The following LRRC9 variants were observed in gnomAD, a reference collection of about 807,000 sequenced individuals.
LRRC9 encodes the protein leucine rich repeat containing 9, also known as leucine-rich repeat-containing protein 9.
A neutral mutation model predicts 63.2 loss-of-function variants in LRRC9; 122 were observed. The observed-to-expected ratio is 1.93, with a 90% CI of 1.67 to 2.24. The LOEUF is 2.24. LRRC9 is among the 30% of genes most tolerant of loss of function. LRRC9 has a pLI of 0.00. For missense variants in LRRC9, 1,071 were observed against 627.7 expected (o/e 1.71, Z -7.55); for synonymous variants, 366 against 213.1 (o/e 1.72, Z -6.25).
chr14:59,947,966 G>A (rs1423044449), intron 8 of LRRC9, among the ~76,000 whole-genome samples: 2 of 151,888 alleles, frequency 1.3e-5, no homozygotes, highest in Admixed American at 6.6e-5. Flanking sequence ...TGTTCTTTTG[G>A]CTTCAGATTG....
chr14:59,977,778 A>T (rs913847500), intron 14 of LRRC9, among the ~76,000 whole-genome samples: 2 of 152,132 alleles, frequency 1.3e-5, no homozygotes, highest in Admixed American at 6.5e-5. Context: ...TTATATAATT[A>T]AAAAGTATTT....
intron 29 of LRRC9, among the ~76,000 whole-genome samples, chr14:60,041,843 C>G (rs1422958251): frequency 1.3e-5 from 2 of 152,204 alleles, no homozygotes. Flanking sequence ...TTAGAATTTT[C>G]AGCTTTTCTG....
At chr14:59,960,761 C>A (rs1884269346) in intron 9 of LRRC9, among the ~76,000 whole-genome samples, 153 bp from the exon 10 acceptor site, 1 of 152,142 alleles carries the variant, frequency 6.6e-6, no homozygotes, top group Non-Finnish European at 1.5e-5. Flanking sequence ...AATAGAATGT[C>A]TTTGACATGG....
At position 59,965,869 on chromosome 14, in the gene LRRC9, C is replaced by T. The variant is rs568852406; in HGVS notation, c.1212-720C>T. ...CTGCACTCTAGCCTGGGCGACAGAG[C>T]GAGACTCCGCCTCAAAAAAAAAAAA... On this transcript the variant is annotated intron_variant, in intron 10 of 31. Coordinates refer to ENST00000445360, the Ensembl canonical transcript of LRRC9. 1.4e-4 allele frequency among the ~76,000 whole-genome samples: 12 copies of T among 88,308 alleles called. No individual in the cohort carries two copies. The East Asian group carries it at 3.7e-3, about 27-fold the overall frequency. 57.9% of individuals were successfully genotyped at this position (88,308 alleles called of 152,430 possible).
Position 60,050,174 on chromosome 14 carries a change from T to G in LRRC9, c.3991-2891T>G, listed in dbSNP as rs185905818. Among the ~76,000 whole-genome samples, 701 of 152,088 alleles carry G rather than the reference T, an allele frequency of 4.6e-3. 3 individuals carry two copies. Among genetic ancestry groups the G allele is most frequent in the Non-Finnish European group, 6.5e-3 (443 of 67,976 alleles). On this transcript the variant is annotated intron_variant, in intron 29 of 31. Coordinates refer to ENST00000445360, the Ensembl canonical transcript of LRRC9. The stretch of plus-strand genomic sequence containing the variant: ...ACCACGCCCAGCTAATTTTTGTATT[T>G]TTAGTAGAGACAGGTTTCACCATGT...
chr14:60,016,995 TG>T (rs1027532037), intron 24 of LRRC9, among the ~76,000 whole-genome samples: 5 of 151,960 alleles, frequency 3.3e-5, no homozygotes, highest in Admixed American at 1.3e-4. Context: ...GCTTCAACCT[TG>T]CAGGCTCAAT....
At position 59,958,759 on chromosome 14, in the gene LRRC9, C is replaced by T. The variant is rs1308596182; in HGVS notation, c.883-1059C>T. 3.9e-5 allele frequency among the ~76,000 whole-genome samples: 6 copies of T among 152,250 alleles called. No individual in the cohort carries two copies. The highest frequency in any genetic ancestry group is 4.8e-5 in the African/African-American group (2 of 41,470). ...AAACACAGAGCCCTGGTGGTATAGG[C>T]ACACGAGGGAATCTCCTGATCTGCA... On this transcript the variant is annotated intron_variant, in intron 8 of 31. Coordinates refer to ENST00000445360, the Ensembl canonical transcript of LRRC9. The surrounding 1 kb of genome is among the most constrained non-coding windows in gnomAD (Gnocchi z 4.0).
chr14:59,994,835 G>T (rs933473681), intron 17 of LRRC9, among the ~76,000 whole-genome samples: 14 of 151,626 alleles, frequency 9.2e-5, no homozygotes, highest in African/African-American at 3.4e-4. Flanking sequence ...CACAGGAAGG[G>T]GAACATCACA....
intron 6 of LRRC9, among the ~76,000 whole-genome samples, chr14:59,934,560 T>A (rs1889975613): frequency 6.6e-6 from 1 of 152,072 alleles, no homozygotes; most frequent in African/African-American, 2.4e-5. Flanking sequence ...AGATTAAACA[T>A]GTGGAAAAGA....
At chr14:59,944,881 CACACAT>C (rs1251234152) in intron 8 of LRRC9, 137 bp downstream of exon 8, 2 of 428,748 alleles carry the variant, frequency 4.7e-6, no homozygotes, top group African/African-American at 4.1e-5. Context: ...CACACACACA[CACACAT>C]ATGTAATTAC....
intron 26 of LRRC9, 66 bp downstream of exon 26, chr14:60,019,326 A>G: frequency 1.6e-6 from 1 of 610,980 alleles, no homozygotes; most frequent in East Asian, 2.9e-5. Flanking sequence ...AGTTAATCAC[A>G]TTAATGATAG....
chr14:60,017,967 G>T lies in LRRC9; in HGVS notation c.3318-404G>T, dbSNP rs1221734934. Among the ~76,000 whole-genome samples, 3 of 151,940 alleles carry T rather than the reference G, an allele frequency of 2.0e-5. No individual in the cohort carries two copies. Among genetic ancestry groups the T allele is most frequent in the African/African-American group, 7.2e-5 (3 of 41,390 alleles). On this transcript the variant is annotated intron_variant, in intron 24 of 31. Coordinates refer to ENST00000445360, the Ensembl canonical transcript of LRRC9. This position sits in a 1 kb window ranked among gnomAD's most constrained non-coding sequence, Gnocchi z 4.0. The stretch of plus-strand genomic sequence containing the variant: ...AACCACTTCCTGGTATTTCAGAAAT[G>T]ACCTACTTCAATATATATCATCTGA...
chr14:59,972,094 A>C (rs219318), intron 12 of LRRC9, among the ~76,000 whole-genome samples: 113,802 of 151,886 alleles, frequency 0.75, 44,733 homozygotes, highest in Non-Finnish European at 0.87. Flanking sequence ...ATGCCAAGTG[A>C]CCCTAATGAA....
chr14:59,957,752 C>G (rs1228718739), intron 8 of LRRC9, among the ~76,000 whole-genome samples: 1 of 152,144 alleles, frequency 6.6e-6, no homozygotes, highest in Non-Finnish European at 1.5e-5. Context: ...CTGGTTTTTC[C>G]TCATCTTCAT....
intron 3 of LRRC9, among the ~76,000 whole-genome samples, chr14:59,929,841 A>G (rs1889538951): frequency 6.6e-6 from 1 of 151,980 alleles, no homozygotes; most frequent in Non-Finnish European, 1.5e-5. Context: ...AGCAAATACC[A>G]CCTGTTCTCA....
At chr14:59,985,131 G>C (rs1206507651) in exon 17 of LRRC9, 3 of 686,070 alleles carry the variant, frequency 4.4e-6, no homozygotes, top group South Asian at 3.1e-5. Context: ...GAAACAGCTT[G>C]AGTAAATTGA....
intron 14 of LRRC9, among the ~76,000 whole-genome samples, chr14:59,977,710 T>C (rs1392499681): frequency 6.6e-6 from 1 of 151,638 alleles, no homozygotes; most frequent in Non-Finnish European, 1.5e-5. Flanking sequence ...TGAAAAAGTA[T>C]GAAAAGGAAA....
intron 31 of LRRC9, among the ~76,000 whole-genome samples, chr14:60,059,875 G>C (rs994624999): frequency 6.6e-6 from 1 of 152,236 alleles, no homozygotes; most frequent in Non-Finnish European, 1.5e-5. Flanking sequence ...GATCATTGAT[G>C]AAAGTCGCTA....
Position 59,981,383 on chromosome 14 carries a change from G to C in LRRC9, c.1879-465G>C, listed in dbSNP as rs911504216. On this transcript the variant is annotated intron_variant, in intron 15 of 31. Transcript: ENST00000445360. Reference sequence around the variant, plus strand: ...AGTTCTGTTTGTTCATGTGGCTCTTGCTCATTCATCCACAATTCTTACCGT... The same window carrying C: ...AGTTCTGTTTGTTCATGTGGCTCTTCCTCATTCATCCACAATTCTTACCGT... Among the ~76,000 whole-genome samples, 15 of 152,162 alleles carry C rather than the reference G, an allele frequency of 9.9e-5. 1 individual carries two copies. The highest frequency in any genetic ancestry group is 6.5e-4 in the Admixed American group (10 of 15,276).
Sources: allele counts gnomAD v4.1 joint callset (sites outside exome capture counted in the v4.1 genomes callset), GRCh38; gene constraint gnomAD v4.1.1; non-coding constraint Gnocchi (gnomAD v3.1); transcripts MANE v1.5; gene names NCBI Gene and HGNC (gene_info 2026-07-23, HGNC 2026-07-21).